DUS2: variants seen among roughly 807,000 people sequenced by gnomAD.
DUS2 encodes the protein tRNA-dihydrouridine(20) synthase [NAD(P)+]-like.
Under a neutral mutation model 71.3 loss-of-function variants are expected in DUS2, and 52 were observed. That is an observed-to-expected ratio of 0.73 (90% CI 0.58 to 0.92). DUS2 has a LOEUF of 0.92. DUS2 is among the 40% of genes least tolerant of loss of function. DUS2 has a pLI of 0.00. For missense variants in DUS2, 558 were observed against 622.6 expected (o/e 0.90, Z 1.10); for synonymous variants, 204 against 227.8 (o/e 0.90, Z 0.94).
At chr16:68,065,446 T>C (rs2033992520) in intron 8 of DUS2, among the ~76,000 whole-genome samples, 1 of 151,550 alleles carries the variant, frequency 6.6e-6, no homozygotes, top group Non-Finnish European at 1.5e-5. Context: ...CCCAGGACTT[T>C]GGGAGGATAA....
chr16:68,062,661 G>A (rs2033955652), intron 8 of DUS2, among the ~76,000 whole-genome samples: 1 of 148,460 alleles, frequency 6.7e-6, no homozygotes, highest in Non-Finnish European at 1.5e-5. Context: ...AGAGGTTGCA[G>A]TGAGCAGAGA....
intron 3 of DUS2, among the ~76,000 whole-genome samples, chr16:68,039,256 T>C (rs573730656): frequency 6.6e-6 from 1 of 152,182 alleles, no homozygotes; most frequent in South Asian, 2.1e-4. Context: ...TTGTTAACCA[T>C]GTCAGGTAAT....
chr16:68,044,304 G>A (rs188750475), intron 3 of DUS2, among the ~76,000 whole-genome samples: 219 of 152,002 alleles, frequency 1.4e-3, no homozygotes, highest in Non-Finnish European at 2.4e-3. Context: ...CATTGAATCT[G>A]TAGATTAGTT....
At chr16:68,028,777 C>T (rs913591677) in intron 2 of DUS2, among the ~76,000 whole-genome samples, 3 of 152,148 alleles carry the variant, frequency 2.0e-5, no homozygotes, top group Non-Finnish European at 4.4e-5. Context: ...TTTCCTTTGA[C>T]TCCCATAGTG....
chr16:68,047,789 T>G (rs1472325935), intron 3 of DUS2, among the ~76,000 whole-genome samples: 1 of 151,362 alleles, frequency 6.6e-6, no homozygotes, highest in Non-Finnish European at 1.5e-5. Context: ...GCGTGTTTTT[T>G]TTTTTTTTTT....
chr16:68,029,881 G>A (rs1314508783), intron 2 of DUS2, among the ~76,000 whole-genome samples: 3 of 150,864 alleles, frequency 2.0e-5, no homozygotes, highest in Non-Finnish European at 4.4e-5. Context: ...GGCAGGTGGA[G>A]TACCTAGGAC....
intron 3 of DUS2, among the ~76,000 whole-genome samples, chr16:68,045,359 A>T (rs1268405684): frequency 6.6e-6 from 1 of 151,774 alleles, no homozygotes; most frequent in African/African-American, 2.4e-5. Context: ...TAATCCCAGC[A>T]CTTTGGGAGA....
In DUS2 at chr16:68,075,402, T is replaced by C; in HGVS notation, c.980T>C (p.Leu327Pro). 6.2e-7 allele frequency: 1 copy of C among 1,613,690 alleles called. No homozygotes were observed. Among genetic ancestry groups the C allele is most frequent in the African/African-American group, 1.3e-5 (1 of 75,056 alleles). The change falls in exon 14 of 17, where the codon CTG becomes CCG. Residue 327 changes from leucine (L) to proline (P), a missense_variant. Coordinates refer to ENST00000565263, the MANE Select transcript of DUS2 (RefSeq NM_017803.5). ...TTCTATGAGGAGACCACACAGGAGC[T>C]GGATGCCCAGCAGGCCAGGCTCTCA... is the stretch of plus-strand genomic sequence containing the variant. ...GAFYEETTQELDAQQARLSAK... is the reference protein window; with the variant it reads ...GAFYEETTQEPDAQQARLSAK...
chr16:68,060,400 A>G (rs1310562891), intron 7 of DUS2, among the ~76,000 whole-genome samples: 3 of 151,456 alleles, frequency 2.0e-5, no homozygotes, highest in Non-Finnish European at 4.4e-5. Flanking sequence ...TGCAACCTCC[A>G]CCTCCTGGGT....
Position 68,078,530 on chromosome 16 carries a change from T to C in DUS2, c.1244+12T>C. On this transcript the variant is annotated intron_variant, in intron 16 of 16. Coordinates refer to ENST00000565263, the MANE Select transcript of DUS2 (RefSeq NM_017803.5). ...CAGTCTACCTTGTGGTAAGTTTCCT[T>C]ATCATAGGAGAGGAGGCTTGGGGTG... The C allele has an allele frequency of 1.2e-6, 2 of 1,613,182 alleles. No individual in the cohort carries two copies. The highest frequency in any genetic ancestry group is 1.7e-6 in the Non-Finnish European group (2 of 1,179,410).
intron 6 of DUS2, among the ~76,000 whole-genome samples, chr16:68,055,863 C>T (rs1397713338): frequency 6.9e-6 from 1 of 145,982 alleles, no homozygotes; most frequent in East Asian, 2.2e-4. Context: ...ATTACTTTTG[C>T]ACCAACCTAA....
chr16:68,054,310 A>G (rs2033820115), intron 5 of DUS2, among the ~76,000 whole-genome samples: 1 of 152,120 alleles, frequency 6.6e-6, no homozygotes, highest in Non-Finnish European at 1.5e-5. Flanking sequence ...TGAGTGTTTG[A>G]ATGGTCACTA....
chr16:68,046,723 A>C (rs1253344084), intron 3 of DUS2, among the ~76,000 whole-genome samples: 1 of 151,272 alleles, frequency 6.6e-6, no homozygotes, highest in African/African-American at 2.4e-5. Flanking sequence ...CTTTAAGGTC[A>C]GAAGTAACGT....
intron 3 of DUS2, among the ~76,000 whole-genome samples, chr16:68,047,077 G>C: frequency 1.0e-5 from 1 of 96,730 alleles, no homozygotes. Flanking sequence ...TTTTTTTTGA[G>C]ATGGAGTCTT....
intron 3 of DUS2, among the ~76,000 whole-genome samples, chr16:68,041,823 A>G (rs1179391495): frequency 6.6e-6 from 1 of 152,082 alleles, no homozygotes; most frequent in African/African-American, 2.4e-5. Flanking sequence ...AAAAAAAAAA[A>G]AAAAAGAGAA....
chr16:68,043,735 G>T (rs1276507963), intron 3 of DUS2, among the ~76,000 whole-genome samples: 1 of 152,134 alleles, frequency 6.6e-6, no homozygotes, highest in Admixed American at 6.6e-5. Context: ...CACCATCTCA[G>T]CTCACTGCAA....
At chr16:68,061,937 G>A (rs1440185794) in intron 8 of DUS2, among the ~76,000 whole-genome samples, 1 of 152,166 alleles carries the variant, frequency 6.6e-6, no homozygotes, top group Admixed American at 6.5e-5. Context: ...AGACCACTGT[G>A]CTTGCTGGCT....
chr16:68,066,234 G>T, intron 8 of DUS2, 83 bp from the exon 9 acceptor site: 1 of 1,275,488 alleles, frequency 7.8e-7, no homozygotes. Context: ...GGAATGCACA[G>T]CCTGTAGCGG....
At chr16:68,068,962 G>A (rs1361367594) in intron 10 of DUS2, among the ~76,000 whole-genome samples, 1 of 152,096 alleles carries the variant, frequency 6.6e-6, no homozygotes, top group Non-Finnish European at 1.5e-5. Context: ...TCGGAAGACA[G>A]ATGTGGGTGA....
Sources: allele counts gnomAD v4.1 joint callset (sites outside exome capture counted in the v4.1 genomes callset), GRCh38; gene constraint gnomAD v4.1.1; transcripts MANE v1.5; gene names NCBI Gene and HGNC (gene_info 2026-07-23, HGNC 2026-07-21).